SF1: variants seen among roughly 807,000 people sequenced by gnomAD.
SF1 encodes branch point-binding protein.
SF1 carries 7 observed loss-of-function variants against 62.5 expected under a neutral mutation model. The observed-to-expected ratio is 0.11, with a 90% CI of 0.06 to 0.21. The LOEUF (loss-of-function observed/expected upper bound fraction) is 0.21, where lower values mean the gene tolerates loss of function less well. Ranked by LOEUF, SF1 falls within the 10% of genes least tolerant of loss-of-function variation. SF1 has a pLI of 1.00. For missense variants in SF1, 578 were observed against 884.0 expected (o/e 0.65, Z 4.39); for synonymous variants, 394 against 323.6 (o/e 1.22, Z -2.33).
In SF1 at chr11:64,778,489, G is replaced by C. The variant is rs1352978961; in HGVS notation, c.-97C>G. 4 of 1,200,854 alleles carry C rather than the reference G, an allele frequency of 3.3e-6. No individual in the cohort carries two copies. The highest frequency in any genetic ancestry group is 4.1e-6 in the Non-Finnish European group (4 of 967,322). 74.4% of individuals were successfully genotyped at this position (1,200,854 alleles called of 1,614,324 possible). A position where few individuals can be genotyped will look rare whatever the true frequency, so the allele number is the denominator to read the frequency against. On this transcript the variant is annotated 5_prime_UTR_variant, in exon 1 of 13. Transcript: ENST00000377390. ...GGGAGGGGACCCGAATGCGCTGCCGGAGCGCGCGGAGCCCGTCCTCTCACG... is the reference window on the plus strand; with the variant it reads ...GGGAGGGGACCCGAATGCGCTGCCGCAGCGCGCGGAGCCCGTCCTCTCACG...
intron 1 of SF1, 27 bp from the exon 2 acceptor site, chr11:64,776,653 G>A (rs770379118): frequency 5.0e-6 from 8 of 1,603,082 alleles, no homozygotes; most frequent in Non-Finnish European, 5.9e-6. Flanking sequence ...AAATCCATCC[G>A]ATGTAAATAC....
In SF1 at chr11:64,773,179, C is replaced by T. The variant is rs566517566; in HGVS notation, c.236+251G>A. On this transcript the variant is annotated intron_variant, in intron 3 of 12. Coordinates refer to ENST00000377390, the MANE Select transcript of SF1 (RefSeq NM_004630.4). ...GGTAAATCAGGTTAAGATCTACATG[C>T]TTACCAATTGGAAACCAGTTGTCCA... The T allele has an allele frequency of 4.5e-6, 6 of 1,326,604 alleles. No homozygotes were observed. The South Asian group carries it at 8.5e-5, about 19-fold the overall frequency. The allele number at this position is 1,326,604 out of a possible 1,614,324, so 82.2% of individuals were successfully genotyped here. A position where few individuals can be genotyped will look rare whatever the true frequency, so the allele number is the denominator to read the frequency against.
rs1309326876 is a variant in SF1, at chr11:64,767,652, G to C, written c.1261C>G (p.Pro421Ala). The change falls in exon 10 of 13, where the codon CCA becomes GCA. Residue 421 changes from proline to alanine, a missense_variant. Transcript: ENST00000377390. ...HPMQHNPNGP[P>A]PPWMQPPPPP... ...GGTGGTGGCTGCATCCAAGGGGGTGGGGGTCCATTGGGGTTGTGCTGCATG... is the reference window on the plus strand; with the variant it reads ...GGTGGTGGCTGCATCCAAGGGGGTGCGGGTCCATTGGGGTTGTGCTGCATG... The C allele has an allele frequency of 2.5e-6, 4 of 1,601,768 alleles. No individual in the cohort carries two copies. Among genetic ancestry groups the C allele is most frequent in the Non-Finnish European group, 3.4e-6 (4 of 1,173,488 alleles).
chr11:64,778,401 C>A lies in SF1; in HGVS notation c.-9G>T. On this transcript the variant is annotated 5_prime_UTR_variant, in exon 1 of 13. Coordinates refer to ENST00000377390, the MANE Select transcript of SF1 (RefSeq NM_004630.4). ...TTCGCTCCGGTCGCCATGGCGCCCCCGGGGACAGGCACCGGCACCTGCTTT... is the reference window on the plus strand; with the variant it reads ...TTCGCTCCGGTCGCCATGGCGCCCCAGGGGACAGGCACCGGCACCTGCTTT... The A allele has an allele frequency of 8.1e-7, 1 of 1,227,846 alleles. No individual in the cohort carries two copies. The highest frequency in any genetic ancestry group is 1.6e-5 in the African/African-American group (1 of 64,086). 76.1% of individuals were successfully genotyped at this position (1,227,846 alleles called of 1,614,324 possible).
intron 5 of SF1, 54 bp downstream of exon 5, chr11:64,769,910 A>T: frequency 7.4e-7 from 1 of 1,342,838 alleles, no homozygotes; most frequent in Non-Finnish European, 1.1e-6. Flanking sequence ...CAAAACGGAC[A>T]CATCTCACAG....
At chr11:64,767,344 AGTT>A in intron 10 of SF1, 93 bp from the exon 11 acceptor site, 1 of 1,306,454 alleles carries the variant, frequency 7.7e-7, no homozygotes, top group Admixed American at 1.7e-5. Context: ...TCCTTACGCG[AGTT>A]CTGAAAACCA....
At position 64,765,873 on chromosome 11, in the gene SF1, C is replaced by T. The variant is rs1181086065; in HGVS notation, c.1865G>A (p.Gly622Asp). The change falls in exon 13 of 13, where the codon GGC (glycine) becomes GAC (aspartate). Residue 622 changes from glycine to aspartate, a missense_variant. By Grantham distance (94) the Gly-to-Asp change is moderately conservative. Around this residue, in one of 7 missense-constraint regions of SF1, gnomAD observed 410 missense variants for 452.4 expected, o/e 0.91. Transcript: ENST00000377390. ...TGGAGGCATCCCGAAGGGCGGCATGCCCGCCACCCCCATGCCCATCATGGT... is the reference window on the plus strand; with the variant it reads ...TGGAGGCATCCCGAAGGGCGGCATGTCCGCCACCCCCATGCCCATCATGGT... ...FVTMMGMGVA[G>D]MPPFGMPPAP... is the part of the protein sequence containing the mutation. 1 of 1,562,748 alleles carries T rather than the reference C, an allele frequency of 6.4e-7. No individual in the cohort carries two copies. Among genetic ancestry groups the T allele is most frequent in the Non-Finnish European group, 8.7e-7 (1 of 1,154,016 alleles).
intron 3 of SF1, chr11:64,771,866 C>T (rs11603748): frequency 0.062 from 61,088 of 985,260 alleles, 2,040 homozygotes; most frequent in South Asian, 0.091. Flanking sequence ...CCAACCTGGG[C>T]TCAAAAGCAA....
intron 2 of SF1, among the ~76,000 whole-genome samples, chr11:64,774,995 T>A (rs1938945702): frequency 6.7e-6 from 1 of 150,354 alleles, no homozygotes; most frequent in African/African-American, 2.4e-5. Flanking sequence ...GAGGGCATCC[T>A]GGACAAAGCA....
In SF1 at chr11:64,773,184, C is replaced by T. The variant is rs1186473144; in HGVS notation, c.236+246G>A. The stretch of plus-strand genomic sequence containing the variant: ...ATCAGGTTAAGATCTACATGCTTAC[C>T]AATTGGAAACCAGTTGTCCATTTTC... On this transcript the variant is annotated intron_variant, in intron 3 of 12. Transcript: ENST00000377390. 3.0e-6 allele frequency: 4 copies of T among 1,334,024 alleles called. No individual in the cohort carries two copies. The Admixed American group carries it at 1.1e-4, about 37-fold the overall frequency. 82.6% of individuals were successfully genotyped at this position (1,334,024 alleles called of 1,614,324 possible).
Position 64,770,357 on chromosome 11 carries a change from G to T in SF1, c.288C>A (p.Thr96=). 1 of 1,614,082 alleles carries T rather than the reference G, an allele frequency of 6.2e-7. No individual in the cohort carries two copies. The highest frequency in any genetic ancestry group is 8.5e-7 in the Non-Finnish European group (1 of 1,180,014). Residue 96 remains threonine, a synonymous_variant, in exon 4 of 13, where the codon ACC becomes ACA. Transcript: ENST00000377390. ...IYNSEGKRLN[T]REFRTRKKLE... is the part of the protein sequence containing the mutation. Reference sequence around the variant, plus strand: ...GCTTTTTGCGGGTGCGGAACTCTCGGGTGTTAAGCCGCTTCCCCTCGCTAT... The same window carrying T: ...GCTTTTTGCGGGTGCGGAACTCTCGTGTGTTAAGCCGCTTCCCCTCGCTAT...
chr11:64,767,458 C>A (rs1317918672), intron 10 of SF1, 113 bp downstream of exon 10: 2 of 1,206,388 alleles, frequency 1.7e-6, no homozygotes, highest in Admixed American at 2.1e-5. Flanking sequence ...GCAAGCCAGG[C>A]AGACCCAGCA....
chr11:64,771,296 C>T (rs182319554), intron 3 of SF1, among the ~76,000 whole-genome samples: 2 of 151,832 alleles, frequency 1.3e-5, no homozygotes, highest in African/African-American at 2.4e-5. Flanking sequence ...CTGGATTTTG[C>T]GGTAATAAAA....
At chr11:64,769,898 C>T (rs1283460724) in intron 5 of SF1, 66 bp downstream of exon 5, 41 of 1,243,772 alleles carry the variant, frequency 3.3e-5, no homozygotes, top group Non-Finnish European at 4.4e-5. Flanking sequence ...CCCAATTAGG[C>T]ACAAAACGGA....
intron 1 of SF1, chr11:64,777,559 C>T (rs2135991904): frequency 5.1e-6 from 5 of 985,424 alleles, no homozygotes; most frequent in Non-Finnish European, 6.0e-6. Flanking sequence ...TGGTACGGTT[C>T]CCATTCTGGT....
Position 64,770,344 on chromosome 11 carries a change from T to C in SF1, c.301A>G (p.Thr101Ala). 1 of 1,614,078 alleles carries C rather than the reference T, an allele frequency of 6.2e-7. No individual in the cohort carries two copies. The highest frequency in any genetic ancestry group is 8.5e-7 in the Non-Finnish European group (1 of 1,180,032). ...GKRLNTREFR[T>A]RKKLEEERHN... The stretch of plus-strand genomic sequence containing the variant: ...CGCTCCTCTTCCAGCTTTTTGCGGG[T>C]GCGGAACTCTCGGGTGTTAAGCCGC... Residue 101 changes from threonine to alanine, a missense_variant, in exon 4 of 13, where the codon ACC becomes GCC. Around this residue, in one of 7 missense-constraint regions of SF1, gnomAD observed 68 missense variants for 170.7 expected, o/e 0.40. Transcript: ENST00000377390.
In SF1 at chr11:64,776,518, T is replaced by C; in HGVS notation, c.140A>G (p.Glu47Gly). Residue 47 changes from glutamate (E) to glycine (G), a missense_variant, in exon 2 of 13, where the codon GAA becomes GGA. This residue lies in a region of SF1 where 68 missense variants were observed against 170.7 expected (regional missense o/e 0.40). Coordinates refer to ENST00000377390, the MANE Select transcript of SF1 (RefSeq NM_004630.4). The part of the protein sequence containing the change: ...PTVIPPGLTR[E>G]QERAYIVQLQ... ...TTTACCTATATAAGCTCTTTCTTGTTCTCGAGTAAGTCCAGGGGGAATAAC... is the reference window on the plus strand; with the variant it reads ...TTTACCTATATAAGCTCTTTCTTGTCCTCGAGTAAGTCCAGGGGGAATAAC... 1 of 1,562,414 alleles carries C rather than the reference T, an allele frequency of 6.4e-7. No homozygotes were observed. Among genetic ancestry groups the C allele is most frequent in the Non-Finnish European group, 8.6e-7 (1 of 1,159,790 alleles).
At position 64,766,941 on chromosome 11, in the gene SF1, C is replaced by A; in HGVS notation, c.1541G>T (p.Ser514Ile). 6.9e-7 allele frequency: 1 copy of A among 1,441,228 alleles called. No homozygotes were observed. Among genetic ancestry groups the A allele is most frequent in the Non-Finnish European group, 9.2e-7 (1 of 1,089,484 alleles). 89.3% of individuals were successfully genotyped at this position (1,441,228 alleles called of 1,614,324 possible). ...QQQPPPPPPPSSSMASSTPLP... is the reference protein window; with the variant it reads ...QQQPPPPPPPISSMASSTPLP... ...GGGGGTACTGGAAGCCATACTGCTG[C>A]TGGGCGGAGGGGGTGGCGGAGGCTG... Residue 514 changes from serine (S) to isoleucine (I), a missense_variant, in exon 12 of 13, where the codon AGC (serine) becomes ATC (isoleucine). Physicochemically the swap from Ser to Ile is moderately radical, Grantham distance 142. Coordinates refer to ENST00000377390, the MANE Select transcript of SF1 (RefSeq NM_004630.4).
At position 64,765,972 on chromosome 11, in the gene SF1, G is replaced by T. The variant is rs374960859; in HGVS notation, c.1766C>A (p.Pro589Gln). 4 of 1,597,266 alleles carry T rather than the reference G, an allele frequency of 2.5e-6. No individual in the cohort carries two copies. The highest frequency in any genetic ancestry group is 3.4e-6 in the Non-Finnish European group (4 of 1,171,918). The stretch of plus-strand genomic sequence containing the variant: ...ATACATCATGCCGGCGGAACCAGGC[G>T]GTGGAGGCGGCGGAGGGGGAGGGGC... ...PGAPPPPPPP[P>Q]PGSAGMMYAP... Residue 589 changes from proline (P) to glutamine (Q), a missense_variant, in exon 13 of 13, where the codon CCG (proline) becomes CAG (glutamine). Pro to Gln is a moderately conservative substitution (Grantham distance 76). Around this residue, in one of 7 missense-constraint regions of SF1, gnomAD observed 410 missense variants for 452.4 expected, o/e 0.91. Transcript: ENST00000377390.
Sources: allele counts gnomAD v4.1 joint callset (sites outside exome capture counted in the v4.1 genomes callset), GRCh38; gene constraint gnomAD v4.1.1; regional missense constraint gnomAD v4.1.1; transcripts MANE v1.5; gene names NCBI Gene and HGNC (gene_info 2026-07-23, HGNC 2026-07-21).